TBX3: variants seen among roughly 807,000 people sequenced by gnomAD.
The protein encoded by TBX3 is T-box transcription factor 3, also known as T-box transcription factor TBX3.
TBX3 carries 11 observed loss-of-function variants against 47.8 expected under a neutral mutation model. That is an observed-to-expected ratio of 0.23 (90% confidence interval 0.14 to 0.38). The LOEUF (loss-of-function observed/expected upper bound fraction) is 0.38. TBX3 is among the 10% of genes least tolerant of loss of function. The pLI is 1.00. For missense variants in TBX3, 927 were observed against 1,022.8 expected (o/e 0.91, Z 1.28); for synonymous variants, 500 against 449.3 (o/e 1.11, Z -1.43).
Position 114,674,393 on chromosome 12 carries a change from G to A in TBX3, c.1482C>T (p.Asn494=), listed in dbSNP as rs555360356. The A allele has an allele frequency of 4.5e-6, 7 of 1,552,172 alleles. No homozygotes were observed. The highest frequency in any genetic ancestry group is 2.4e-5 in the East Asian group (1 of 41,014). The change falls in exon 6 of 7, where the codon AAC becomes AAT. Residue 494 remains asparagine (N), a synonymous_variant. Transcript: ENST00000349155. ...TGGGGTGCAGGAAGAGCGGGTGCCC[G>A]TTGAAGAACTGTTGGCCCGCCAGGC... ...APGLAGQQFF[N]GHPLFLHPSQ...
At chr12:114,674,078 G>A (rs1868576499) in intron 6 of TBX3, 87 bp downstream of exon 6, 1 of 1,509,856 alleles carries the variant, frequency 6.6e-7, no homozygotes, top group Non-Finnish European at 9.0e-7. Flanking sequence ...CTAGGCCAAA[G>A]GGATCGGGTG....
At chr12:114,672,467 G>C (rs1868493804) in intron 6 of TBX3, among the ~76,000 whole-genome samples, 165 bp from the exon 7 acceptor site, 1 of 148,228 alleles carries the variant, frequency 6.7e-6, no homozygotes, top group South Asian at 2.3e-4. Context: ...GATAGGTGGG[G>C]GCAGGAGAGA....
In TBX3 at chr12:114,671,569, A is replaced by G. The variant is rs1868422673; in HGVS notation, c.*272T>C. On this transcript the variant is annotated 3_prime_UTR_variant, in exon 7 of 7. Transcript: ENST00000349155. ...CCAGCCTTGCTGGAAGTTGCTCTGG[A>G]CATAAATGTTGGAACTCCTACCCCC... 1.8e-6 allele frequency: 1 copy of G among 553,636 alleles called. No homozygotes were observed. The highest frequency in any genetic ancestry group is 1.9e-5 in the African/African-American group (1 of 53,350). 34.3% of individuals were successfully genotyped at this position (553,636 alleles called of 1,614,324 possible).
rs1011345402 is a variant in TBX3, at chr12:114,670,478, G to A, written c.*1363C>T. 4.6e-6 allele frequency: 1 copy of A among 219,468 alleles called. No homozygotes were observed. The allele number at this position is 219,468 out of a possible 1,614,324, so 13.6% of individuals were successfully genotyped here. A position where few individuals can be genotyped will look rare whatever the true frequency, so the allele number is the denominator to read the frequency against. ...TGACAACAGTAGTAAATTCCACTTC[G>A]TTTTGAGGAAATCAGAGACTAGCAA... On this transcript the variant is annotated 3_prime_UTR_variant, in exon 7 of 7. Coordinates refer to ENST00000349155, the MANE Select transcript of TBX3 (RefSeq NM_005996.4).
intron 2 of TBX3, 122 bp from the exon 3 acceptor site, chr12:114,679,773 C>T: frequency 6.5e-7 from 1 of 1,543,640 alleles, no homozygotes; most frequent in Non-Finnish European, 8.9e-7. Context: ...GTACCGAGCC[C>T]ACCTCCTTGG....
chr12:114,674,966 A>T lies in TBX3; in HGVS notation c.1040-131T>A, dbSNP rs1868644675. 10 of 1,220,872 alleles carry T rather than the reference A, an allele frequency of 8.2e-6. No homozygotes were observed. The South Asian group carries it at 1.3e-4, about 16-fold the overall frequency. The allele number at this position is 1,220,872 out of a possible 1,614,324, so 75.6% of individuals were successfully genotyped here. A position where few individuals can be genotyped will look rare whatever the true frequency, so the allele number is the denominator to read the frequency against. On this transcript the variant is annotated intron_variant, in intron 5 of 6. Coordinates refer to ENST00000349155, the MANE Select transcript of TBX3 (RefSeq NM_005996.4). Reference sequence around the variant, plus strand: ...TGTGTAATCCCGGGGAAAGCCCCTTAGCCTCTCTGCACCTCAGTGTTGTCA... The same window carrying T: ...TGTGTAATCCCGGGGAAAGCCCCTTTGCCTCTCTGCACCTCAGTGTTGTCA...
intron 3 of TBX3, among the ~76,000 whole-genome samples, chr12:114,678,925 C>T (rs57063321): frequency 0.02 from 2,982 of 152,016 alleles, 95 homozygotes; most frequent in African/African-American, 0.069. Context: ...TCAGACAACT[C>T]GATTAATATG....
chr12:114,680,036 C>A, intron 2 of TBX3: 1 of 1,551,698 alleles, frequency 6.4e-7, no homozygotes, highest in East Asian at 2.3e-5. Flanking sequence ...TAAGCGCCCA[C>A]TAATTGACGA....
intron 1 of TBX3, 124 bp from the exon 2 acceptor site, chr12:114,681,270 T>C: frequency 7.3e-7 from 1 of 1,364,364 alleles, no homozygotes. Flanking sequence ...CTGATAAGCT[T>C]ACATGTTTCA....
rs774272475 is a variant in TBX3, at chr12:114,674,660, G to C, written c.1215C>G (p.Ser405Arg). 9 of 1,607,322 alleles carry C rather than the reference G, an allele frequency of 5.6e-6. No individual in the cohort carries two copies. The South Asian group carries it at 9.9e-5, about 18-fold the overall frequency. Reference sequence around the variant, plus strand: ...CGGGCGACGCTTTGTCCAGCCGCCCGCTGTCCCGGGGCCGCTCAGCAGCGA... The same window carrying C: ...CGGGCGACGCTTTGTCCAGCCGCCCCCTGTCCCGGGGCCGCTCAGCAGCGA... ...HLFAAERPRD[S>R]GRLDKASPDS... Residue 405 changes from serine to arginine, a missense_variant, in exon 6 of 7, where the codon AGC (serine) becomes AGG (arginine). This residue lies in a region of TBX3 where 623 missense variants were observed against 569.0 expected (regional missense o/e 1.09). Transcript: ENST00000349155.
intron 2 of TBX3, 95 bp downstream of exon 2, chr12:114,680,784 G>A (rs1868894212): frequency 6.4e-7 from 1 of 1,556,762 alleles, no homozygotes; most frequent in South Asian, 1.1e-5. Context: ...GAGAAGCAAA[G>A]GAGAAGTCTG....
At chr12:114,682,442 A>G (rs1240033727) in intron 1 of TBX3, among the ~76,000 whole-genome samples, 1 of 152,350 alleles carries the variant, frequency 6.6e-6, no homozygotes, top group South Asian at 2.1e-4. Flanking sequence ...AAAATAAAAC[A>G]GACAACACAA....
At chr12:114,679,082 C>A (rs1414036028) in intron 3 of TBX3, among the ~76,000 whole-genome samples, 1 of 152,160 alleles carries the variant, frequency 6.6e-6, no homozygotes, top group Non-Finnish European at 1.5e-5. Flanking sequence ...AAAAGCTGGT[C>A]TCTACTAGGA....
intron 1 of TBX3, 99 bp downstream of exon 1, chr12:114,682,713 A>G: frequency 6.3e-7 from 1 of 1,585,152 alleles, no homozygotes; most frequent in South Asian, 1.1e-5. Flanking sequence ...CTTTTCGTCC[A>G]AGCCGTAATA....
Position 114,672,275 on chromosome 12 carries a change from G to T in TBX3, c.1738C>A (p.Leu580Met), listed in dbSNP as rs1296950217. 1.9e-6 allele frequency: 3 copies of T among 1,572,592 alleles called. No individual in the cohort carries two copies. The South Asian group carries it at 3.5e-5, about 18-fold the overall frequency. The change falls in exon 7 of 7, where the codon CTG (leucine) becomes ATG (methionine). Residue 580 changes from leucine (L) to methionine (M), a missense_variant. Around this residue, in one of 5 missense-constraint regions of TBX3, gnomAD observed 623 missense variants for 569.0 expected, o/e 1.09. Transcript: ENST00000349155. ...QGLAMSPFGS[L>M]FPYPYTYMAA... The stretch of plus-strand genomic sequence containing the variant: ...ATGTACGTGTAGGGGTAAGGGAACA[G>T]GCTTCCGAAAGGGGACATGGCCAGG...
In TBX3 at chr12:114,683,216, C is replaced by T. The variant is rs923597044; in HGVS notation, c.-16G>A. 4 of 1,606,962 alleles carry T rather than the reference C, an allele frequency of 2.5e-6. No homozygotes were observed. Among genetic ancestry groups the T allele is most frequent in the Non-Finnish European group, 3.4e-6 (4 of 1,175,934 alleles). On this transcript the variant is annotated 5_prime_UTR_variant, in exon 1 of 7. Coordinates refer to ENST00000349155, the MANE Select transcript of TBX3 (RefSeq NM_005996.4). The surrounding 1 kb of genome is among the most constrained non-coding windows in gnomAD (Gnocchi z 7.7). ...AGAGGCTCATCCACTCCAGGCGGGG[C>T]GCTGGGCTCCAGCCGGGGACAAGTC...
intron 2 of TBX3, chr12:114,680,010 A>G: frequency 6.2e-7 from 1 of 1,610,652 alleles, no homozygotes; most frequent in Non-Finnish European, 8.5e-7. Flanking sequence ...TTAATTTACA[A>G]AATGATTCAG....
chr12:114,672,504 C>A (rs1345673285), intron 6 of TBX3, among the ~76,000 whole-genome samples: 1 of 151,522 alleles, frequency 6.6e-6, no homozygotes, highest in Non-Finnish European at 1.5e-5. Flanking sequence ...TCTCTAGGTA[C>A]AAATCTTAGC....
chr12:114,679,770 G>C, intron 2 of TBX3, 119 bp from the exon 3 acceptor site: 1 of 1,542,594 alleles, frequency 6.5e-7, no homozygotes, highest in Middle Eastern at 1.8e-4. Flanking sequence ...CTTGTACCGA[G>C]CCCACCTCCT....
Sources: allele counts gnomAD v4.1 joint callset (sites outside exome capture counted in the v4.1 genomes callset), GRCh38; gene constraint gnomAD v4.1.1; regional missense constraint gnomAD v4.1.1; non-coding constraint Gnocchi (gnomAD v3.1); transcripts MANE v1.5; gene names NCBI Gene and HGNC (gene_info 2026-07-23, HGNC 2026-07-21).